CRYZ: variants seen among roughly 807,000 people sequenced by gnomAD.
The protein encoded by CRYZ is zeta-crystallin.
CRYZ carries 35 observed loss-of-function variants against 34.1 expected under a neutral mutation model. The observed-to-expected ratio is 1.03, with a 90% confidence interval of 0.78 to 1.36. The LOEUF (loss-of-function observed/expected upper bound fraction) is 1.36. CRYZ is among the 40% of genes most tolerant of loss of function. CRYZ has a pLI of 0.00. For missense variants in CRYZ, 403 were observed against 391.8 expected, an observed-to-expected ratio of 1.03 and a Z score of -0.24; for synonymous variants, 137 against 136.5, an observed-to-expected ratio of 1.00 and a Z score of -0.03.
At position 74,719,685 on chromosome 1, in the gene CRYZ, G is replaced by A. The variant is rs1222201437; in HGVS notation, c.265-313C>T. 3.3e-5 allele frequency among the ~76,000 whole-genome samples: 5 copies of A among 151,824 alleles called. No individual in the cohort carries two copies. The East Asian group carries it at 7.7e-4, about 24-fold the overall frequency. On this transcript the variant is annotated intron_variant, in intron 3 of 8. Transcript: ENST00000340866. ...TGATTTTTGTATTTTTAGTAGAGAC[G>A]GGGTTTCACCATGTTGGTCAGGCTG...
intron 8 of CRYZ, among the ~76,000 whole-genome samples, 184 bp from the exon 9 acceptor site, chr1:74,706,641 T>C (rs1646933436): frequency 6.6e-6 from 1 of 152,100 alleles, no homozygotes; most frequent in Admixed American, 6.6e-5. Flanking sequence ...ATAAATCCCA[T>C]CTGCCTGAGA....
rs376363179 is a variant in CRYZ at position 74,717,892 on chromosome 1, A to G, written c.428+1317T>C. Reference sequence around the variant, plus strand: ...TTCACAAGGGCTCTATTCTCACTCCAGTGTTCTCACTCTCTGAGGAATTTC... The same window carrying G: ...TTCACAAGGGCTCTATTCTCACTCCGGTGTTCTCACTCTCTGAGGAATTTC... On this transcript the variant is annotated intron_variant, in intron 4 of 8. Coordinates refer to ENST00000340866, the MANE Select transcript of CRYZ (RefSeq NM_001889.4). Among the ~76,000 whole-genome samples the G allele has an allele frequency of 2.0e-5, 3 of 152,146 alleles. No individual in the cohort carries two copies. The East Asian group carries it at 5.8e-4, about 29-fold the overall frequency.
At chr1:74,732,614 G>C (rs1395406279) in intron 1 of CRYZ, among the ~76,000 whole-genome samples, 6,683 of 50,252 alleles carry the variant, frequency 0.13, 1,464 homozygotes, top group African/African-American at 0.27. Flanking sequence ...GGGGGGGGGG[G>C]GTGCAGCGTG....
chr1:74,717,823 A>G (rs181519118), intron 4 of CRYZ, among the ~76,000 whole-genome samples: 2 of 152,300 alleles, frequency 1.3e-5, no homozygotes, highest in African/African-American at 4.8e-5. Flanking sequence ...TCGGTCTCTT[A>G]CAACTCTATC....
At chr1:74,732,585 G>T (rs1647858544) in intron 1 of CRYZ, among the ~76,000 whole-genome samples, 1 of 79,482 alleles carries the variant, frequency 1.3e-5, no homozygotes. Flanking sequence ...GAAAAATCAA[G>T]CGGGTGACTG....
chr1:74,718,672 T>G (rs528607793), intron 4 of CRYZ, among the ~76,000 whole-genome samples: 1 of 152,170 alleles, frequency 6.6e-6, no homozygotes, highest in South Asian at 2.1e-4. Flanking sequence ...CTGAGGTGAA[T>G]TCCCTCTGAT....
intron 1 of CRYZ, among the ~76,000 whole-genome samples, chr1:74,731,485 C>A (rs1268853435): frequency 6.6e-6 from 1 of 152,034 alleles, no homozygotes; most frequent in Non-Finnish European, 1.5e-5. Context: ...TATTATTAAC[C>A]CAGAAATGTA....
At chr1:74,723,693 C>T (rs982844623) in intron 2 of CRYZ, among the ~76,000 whole-genome samples, 2 of 152,180 alleles carry the variant, frequency 1.3e-5, no homozygotes, top group African/African-American at 4.8e-5. Flanking sequence ...ATTAAAACTT[C>T]CCAGCCAAGC....
In CRYZ at chr1:74,717,005, CTTAA is replaced by C. The variant is rs1193774339; in HGVS notation, c.428+2200_428+2203del. Among the ~76,000 whole-genome samples, 31 of 152,254 alleles carry C rather than the reference CTTAA, an allele frequency of 2.0e-4. No homozygotes were observed. In the South Asian group the frequency reaches 3.5e-3, roughly 17 times the overall value. ...TTAAAATATCACTTTTTGCCTCCTA[CTTAA>C]TTGTGAAAAGTGACGCAATCACACA... On this transcript the variant is annotated intron_variant, in intron 4 of 8. Transcript: ENST00000340866.
At chr1:74,719,156 T>G in intron 4 of CRYZ, 53 bp downstream of exon 4, 1 of 1,575,880 alleles carries the variant, frequency 6.3e-7, no homozygotes, top group East Asian at 2.2e-5. Context: ...GGCAGGCAGT[T>G]AACACTACCC....
chr1:74,714,187 T>C lies in CRYZ; in HGVS notation c.480+392A>G, dbSNP rs1569985151. Among the ~76,000 whole-genome samples the C allele has an allele frequency of 8.5e-5, 13 of 152,216 alleles. No individual in the cohort carries two copies. The South Asian group carries it at 2.5e-3, about 29-fold the overall frequency. On this transcript the variant is annotated intron_variant, in intron 5 of 8. Transcript: ENST00000340866. ...ACCGTGCTGTCTGGGGCAACATAGG[T>C]AAGCTTTAATGAGCCTTAGTTTCCT...
intron 4 of CRYZ, among the ~76,000 whole-genome samples, chr1:74,716,288 T>G (rs1397405067): frequency 1.3e-5 from 2 of 151,812 alleles, no homozygotes; most frequent in Non-Finnish European, 1.5e-5. Flanking sequence ...AAATAGAAGA[T>G]CAAATAGATA....
At chr1:74,732,896 G>A in intron 1 of CRYZ, 60 bp downstream of exon 1, 2 of 242,166 alleles carry the variant, frequency 8.3e-6, no homozygotes, top group Non-Finnish European at 1.6e-5. Flanking sequence ...GTTCCACTTG[G>A]ACGAGCAGTG....
At chr1:74,731,449 A>C (rs1459098609) in intron 1 of CRYZ, among the ~76,000 whole-genome samples, 1 of 152,248 alleles carries the variant, frequency 6.6e-6, no homozygotes, top group Non-Finnish European at 1.5e-5. Context: ...CTGCTAATAC[A>C]CAATGACTCA....
At chr1:74,709,949 TAA>T in intron 6 of CRYZ, 147 bp downstream of exon 6, 3 of 586,742 alleles carry the variant, frequency 5.1e-6, no homozygotes, top group Admixed American at 3.2e-5. Flanking sequence ...GTTTTTTAAA[TAA>T]AGTTTTAAAA....
chr1:74,709,563 T>A (rs900917468), intron 6 of CRYZ, among the ~76,000 whole-genome samples: 1 of 152,210 alleles, frequency 6.6e-6, no homozygotes, highest in African/African-American at 2.4e-5. Context: ...ATTGCTAATA[T>A]AGTACAAGTG....
chr1:74,706,528 A>T (rs1404103885), intron 8 of CRYZ, 71 bp from the exon 9 acceptor site: 6 of 1,377,036 alleles, frequency 4.4e-6, no homozygotes, highest in Admixed American at 2.3e-5. Context: ...CATTAAAAAC[A>T]CTTCAGAATC....
intron 6 of CRYZ, among the ~76,000 whole-genome samples, chr1:74,709,014 A>G (rs1037067626): frequency 2.6e-5 from 4 of 152,138 alleles, no homozygotes; most frequent in African/African-American, 9.7e-5. Flanking sequence ...GTTAATTAGG[A>G]GCTTCTCAGT....
intron 1 of CRYZ, among the ~76,000 whole-genome samples, chr1:74,726,276 G>A (rs1358951037): frequency 2.6e-5 from 4 of 152,202 alleles, no homozygotes; most frequent in Admixed American, 2.6e-4. Flanking sequence ...ACCTCTGCCT[G>A]GACATTCAGG....
Sources: gnomAD v4.1 joint callset for allele counts (sites outside exome capture counted in the v4.1 genomes callset) on GRCh38, gnomAD v4.1.1 for gene constraint, MANE v1.5 for transcripts, NCBI Gene and HGNC (gene_info 2026-07-23, HGNC 2026-07-21) for gene names.